UXS1: variants seen among roughly 807,000 people sequenced by gnomAD.
UXS1 encodes the protein UDP-glucuronate decarboxylase 1, also known as UDP-glucuronic acid decarboxylase 1.
Under a neutral mutation model 62.6 loss-of-function variants are expected in UXS1, and 33 were observed. The ratio of observed to expected loss-of-function variants is 0.53; its 90% CI spans 0.40 to 0.70. The LOEUF is 0.70. UXS1 is among the 30% of genes least tolerant of loss of function. The pLI, the probability that UXS1 is intolerant of heterozygous loss-of-function variation, is 0.00. For missense variants in UXS1, 434 were observed against 556.3 expected, an observed-to-expected ratio of 0.78 and a Z score of 2.21; for synonymous variants, 213 against 206.8, an observed-to-expected ratio of 1.03 and a Z score of -0.26.
At chr2:106,165,354 T>C (rs991191633) in intron 2 of UXS1, among the ~76,000 whole-genome samples, 2 of 152,162 alleles carry the variant, frequency 1.3e-5, no homozygotes, top group Non-Finnish European at 2.9e-5. Flanking sequence ...TTTACCCTGG[T>C]AGACATGTGC....
At chr2:106,165,845 G>A (rs1054282346) in intron 2 of UXS1, among the ~76,000 whole-genome samples, 1 of 152,086 alleles carries the variant, frequency 6.6e-6, no homozygotes, top group Non-Finnish European at 1.5e-5. Flanking sequence ...TGTTTTACTT[G>A]TGGGCCTTAC....
intron 1 of UXS1, among the ~76,000 whole-genome samples, chr2:106,188,534 C>G (rs890297142): frequency 3.3e-5 from 5 of 152,220 alleles, no homozygotes; most frequent in Admixed American, 3.3e-4. Context: ...ATCAGGGTCT[C>G]TGACAGAGGA....
At chr2:106,104,369 A>G (rs4851922) in intron 11 of UXS1, among the ~76,000 whole-genome samples, 104,274 of 152,144 alleles carry the variant, frequency 0.69, 35,963 homozygotes, top group South Asian at 0.75. Flanking sequence ...GAAATTCAAC[A>G]TAAGAACACT....
intron 5 of UXS1, among the ~76,000 whole-genome samples, chr2:106,148,220 G>A (rs919010003): frequency 1.3e-5 from 2 of 152,146 alleles, no homozygotes; most frequent in African/African-American, 4.8e-5. Flanking sequence ...CCTGAACAAT[G>A]ACTATGAAAA....
chr2:106,177,500 T>C (rs1683964261), intron 1 of UXS1, among the ~76,000 whole-genome samples: 1 of 152,220 alleles, frequency 6.6e-6, no homozygotes, highest in Non-Finnish European at 1.5e-5. Flanking sequence ...CCGGCCTAGC[T>C]ACATGCATTT....
chr2:106,191,840 A>G (rs1230108400), intron 1 of UXS1, among the ~76,000 whole-genome samples: 1 of 152,224 alleles, frequency 6.6e-6, no homozygotes, highest in Non-Finnish European at 1.5e-5. Flanking sequence ...GCTCTCACTC[A>G]GGAGTTCCTG....
intron 14 of UXS1, among the ~76,000 whole-genome samples, 188 bp from the exon 15 acceptor site, chr2:106,094,345 A>G (rs1259889400): frequency 6.6e-6 from 1 of 150,924 alleles, no homozygotes; most frequent in Non-Finnish European, 1.5e-5. Context: ...GAGAGAAGCC[A>G]GAAGTCCTTC....
intron 5 of UXS1, among the ~76,000 whole-genome samples, chr2:106,146,772 C>CAAAAAAAAA (rs55896853): frequency 1.3e-4 from 6 of 45,224 alleles, no homozygotes; most frequent in African/African-American, 4.6e-4. Flanking sequence ...GACTCCATCT[C>CAAAAAAAAA]AAAAAAAAAA....
chr2:106,129,624 T>A (rs769146670), intron 7 of UXS1, 50 bp downstream of exon 7: 65 of 1,403,406 alleles, frequency 4.6e-5, no homozygotes, highest in Non-Finnish European at 6.3e-5. Context: ...CTTGTAATCA[T>A]CTAAAATATT....
At position 106,154,661 on chromosome 2, in the gene UXS1, G is replaced by A. The variant is rs570137518; in HGVS notation, c.291+3397C>T. 5.3e-5 allele frequency among the ~76,000 whole-genome samples: 8 copies of A among 152,270 alleles called. No homozygotes were observed. In the Middle Eastern group the frequency reaches 0.01, roughly 194 times the overall value. ...AGACTTCTAGCTTCTAGAACTGTGA[G>A]GGATTAAATTTATGTTGTTTTAAAC... is the stretch of plus-strand genomic sequence containing the variant. On this transcript the variant is annotated intron_variant, in intron 5 of 14. Coordinates refer to ENST00000283148, the MANE Select transcript of UXS1 (RefSeq NM_001253875.2).
intron 1 of UXS1, among the ~76,000 whole-genome samples, chr2:106,169,259 A>G (rs1337136818): frequency 1.3e-5 from 2 of 152,146 alleles, no homozygotes; most frequent in African/African-American, 2.4e-5. Context: ...TGCTTTACTG[A>G]GAATAAGTAT....
At chr2:106,145,009 T>C (rs1166415168) in intron 6 of UXS1, among the ~76,000 whole-genome samples, 181 bp downstream of exon 6, 1 of 152,192 alleles carries the variant, frequency 6.6e-6, no homozygotes, top group African/African-American at 2.4e-5. Flanking sequence ...TTCACACTGT[T>C]ATAACCACTC....
intron 6 of UXS1, among the ~76,000 whole-genome samples, chr2:106,142,277 G>A (rs1255793874): frequency 6.6e-6 from 1 of 152,028 alleles, no homozygotes; most frequent in African/African-American, 2.4e-5. Flanking sequence ...TCATCATCAG[G>A]AAAAAAGTTT....
At chr2:106,161,805 G>C (rs1682914539) in intron 4 of UXS1, among the ~76,000 whole-genome samples, 1 of 152,120 alleles carries the variant, frequency 6.6e-6, no homozygotes, top group South Asian at 2.1e-4. Flanking sequence ...TGGTAAAAGA[G>C]AAAAAGCCCA....
Position 106,163,647 on chromosome 2 carries a change from A to T in UXS1, c.230+20T>A. ...CAAACTTATTTTAACTATTGACTTTAAGACAAAAAGTACACATACCTTTTT... is the reference window on the plus strand; with the variant it reads ...CAAACTTATTTTAACTATTGACTTTTAGACAAAAAGTACACATACCTTTTT... On this transcript the variant is annotated intron_variant, in intron 4 of 14. Coordinates refer to ENST00000283148, the MANE Select transcript of UXS1 (RefSeq NM_001253875.2). 1 of 1,454,532 alleles carries T rather than the reference A, an allele frequency of 6.9e-7. No individual in the cohort carries two copies. Among genetic ancestry groups the T allele is most frequent in the Non-Finnish European group, 9.1e-7 (1 of 1,092,912 alleles). 90.1% of individuals were successfully genotyped at this position (1,454,532 alleles called of 1,614,324 possible). A position where few individuals can be genotyped will look rare whatever the true frequency, so the allele number is the denominator to read the frequency against.
intron 12 of UXS1, among the ~76,000 whole-genome samples, chr2:106,099,670 A>G (rs1677423741): frequency 6.6e-6 from 1 of 152,208 alleles, no homozygotes; most frequent in Non-Finnish European, 1.5e-5. Flanking sequence ...TACAGAGAAG[A>G]GCCTGGCTGC....
chr2:106,103,944 A>C (rs1677822800), intron 11 of UXS1, among the ~76,000 whole-genome samples: 1 of 152,144 alleles, frequency 6.6e-6, no homozygotes, highest in South Asian at 2.1e-4. Flanking sequence ...GCTTTGGCTG[A>C]GGTGGGACTT....
chr2:106,131,047 G>C (rs1287606668), intron 6 of UXS1, among the ~76,000 whole-genome samples: 1 of 150,646 alleles, frequency 6.6e-6, no homozygotes, highest in Non-Finnish European at 1.5e-5. Context: ...CAGTGTGTGC[G>C]CGCACCGTGC....
intron 5 of UXS1, among the ~76,000 whole-genome samples, chr2:106,157,404 T>G (rs1224305973): frequency 6.6e-6 from 1 of 152,238 alleles, no homozygotes; most frequent in East Asian, 1.9e-4. Flanking sequence ...CCCCTGGGTA[T>G]TCTTCAAAGT....
Sources: gnomAD v4.1 joint callset for allele counts (sites outside exome capture counted in the v4.1 genomes callset) on GRCh38, gnomAD v4.1.1 for gene constraint, MANE v1.5 for transcripts, NCBI Gene and HGNC (gene_info 2026-07-23, HGNC 2026-07-21) for gene names.